Variants in POLE observed in about 807,000 individuals in gnomAD.
The protein encoded by POLE is DNA polymerase epsilon, catalytic subunit.
In POLE, 188 loss-of-function variants were observed where a neutral mutation model predicts 279.2. The observed-to-expected ratio is 0.67, with a 90% CI of 0.60 to 0.76. The LOEUF (loss-of-function observed/expected upper bound fraction) is 0.76. Among genes scored for constraint, POLE ranks in the 30% least tolerant of loss-of-function variants. The pLI is 0.00. For missense variants in POLE, 2,703 were observed against 3,016.7 expected, an observed-to-expected ratio of 0.90 and a Z score of 2.44; for synonymous variants, 1,214 against 1,172.5, an observed-to-expected ratio of 1.04 and a Z score of -0.72.
chr12:132,661,654 G>A lies in POLE; in HGVS notation c.2737C>T (p.Leu913=), dbSNP rs755441145. The A allele has an allele frequency of 6.2e-7, 1 of 1,614,172 alleles. No homozygotes were observed. Among genetic ancestry groups the A allele is most frequent in the South Asian group, 1.1e-5 (1 of 91,084 alleles). The change falls in exon 24 of 49, where the codon CTG becomes TTG. Residue 913 remains leucine (L), a synonymous_variant. Coordinates refer to ENST00000320574, the MANE Select transcript of POLE (RefSeq NM_006231.4). The surrounding 1 kb of genome is among the most constrained non-coding windows in gnomAD (Gnocchi z 4.1). The part of the protein sequence containing the change: ...EGFTNDQYQE[L]AEPSSLTYVT... ...TAGGTGAGTGAGGACGGCTCAGCCA[G>A]CTCCTGGTACTGGTCATTGGTGAAG... is the stretch of plus-strand genomic sequence containing the variant.
At chr12:132,648,783 CA>C (rs1453102672) in intron 32 of POLE, 145 bp downstream of exon 32, 1 of 849,494 alleles carries the variant, frequency 1.2e-6, no homozygotes, top group Non-Finnish European at 1.8e-6. Flanking sequence ...GCTCGGTGCT[CA>C]GCGCTCACAC....
rs2042106593 is a variant in POLE, at chr12:132,639,877, G to A, written c.5379-579C>T. Among the ~76,000 whole-genome samples the A allele has an allele frequency of 6.6e-6, 1 of 152,194 alleles. No individual in the cohort carries two copies. The highest frequency in any genetic ancestry group is 2.4e-5 in the African/African-American group (1 of 41,434). On this transcript the variant is annotated intron_variant, in intron 39 of 48. Coordinates refer to ENST00000320574, the MANE Select transcript of POLE (RefSeq NM_006231.4). This position sits in a 1 kb window ranked among gnomAD's most constrained non-coding sequence, Gnocchi z 4.7. ...CAGGAGAATCGCTTGAACCCGGGAG[G>A]TGGAGGTTGCAGTGACCCAAGATGG...
At position 132,624,690 on chromosome 12, in the gene POLE, G is replaced by A; in HGVS notation, c.*7C>T. ...CGGACGCAGAGGCACCCGGGGCCCG[G>A]GGCTGGCTAATGGCCCAGCTGTGGG... On this transcript the variant is annotated 3_prime_UTR_variant, in exon 49 of 49. Coordinates refer to ENST00000320574, the MANE Select transcript of POLE (RefSeq NM_006231.4). 6.3e-7 allele frequency: 1 copy of A among 1,576,322 alleles called. No individual in the cohort carries two copies.
chr12:132,649,585 A>T, intron 30 of POLE, 70 bp from the exon 31 acceptor site: 1 of 1,597,244 alleles, frequency 6.3e-7, no homozygotes, highest in Non-Finnish European at 8.6e-7. Flanking sequence ...ACTTTCTCAC[A>T]AGCAGCCTCC....
chr12:132,684,572 G>A (rs61952119), intron 1 of POLE, among the ~76,000 whole-genome samples: 37 of 182 alleles, frequency 0.2, no homozygotes, highest in East Asian at 0.17. Flanking sequence ...ACTGGTTACT[G>A]TATCACACCG....
At position 132,626,134 on chromosome 12, in the gene POLE, C is replaced by CTAA; in HGVS notation, c.6513_6514insTTA (p.Lys2171_Asp2172insLeu). 6.2e-7 allele frequency: 1 copy of CTAA among 1,603,828 alleles called. No individual in the cohort carries two copies. The highest frequency in any genetic ancestry group is 8.5e-7 in the Non-Finnish European group (1 of 1,175,360). On this transcript the variant is annotated inframe_insertion, in exon 46 of 49. Coordinates refer to ENST00000320574, the MANE Select transcript of POLE (RefSeq NM_006231.4). Reference sequence around the variant, plus strand: ...AGCCGCACCTCTGAGAAGGAAGAGTCTTTACACAGGTCCAGGTCGCGGCAG... The same window carrying CTAA: ...AGCCGCACCTCTGAGAAGGAAGAGTCTAATTTACACAGGTCCAGGTCGCGGCAG...
chr12:132,664,963 G>A lies in POLE; in HGVS notation c.2468+339C>T, dbSNP rs889425032. Reference sequence around the variant, plus strand: ...CCCCTCCCGGACACGCAGACATGCTGTGAAGCAACTGCCCGACACTCTGCA... The same window carrying A: ...CCCCTCCCGGACACGCAGACATGCTATGAAGCAACTGCCCGACACTCTGCA... On this transcript the variant is annotated intron_variant, in intron 21 of 48. Transcript: ENST00000320574. This position sits in a 1 kb window ranked among gnomAD's most constrained non-coding sequence, Gnocchi z 5.3. Among the ~76,000 whole-genome samples, 5 of 150,638 alleles carry A rather than the reference G, an allele frequency of 3.3e-5. No homozygotes were observed. The highest frequency in any genetic ancestry group is 5.9e-5 in the Non-Finnish European group (4 of 67,836).
intron 29 of POLE, chr12:132,650,290 G>A (rs1208011808): frequency 5.0e-6 from 1 of 201,616 alleles, no homozygotes; most frequent in African/African-American, 2.3e-5. Flanking sequence ...CACCTGAAAT[G>A]GGATGTTCGT....
chr12:132,643,823 G>A lies in POLE; in HGVS notation c.4290+14C>T, dbSNP rs779180047. Reference sequence around the variant, plus strand: ...AGCCTCCCCCAGTTCAGTCGAGGGTGGCTGGGGAGTCACCTGAGTCTCATA... The same window carrying A: ...AGCCTCCCCCAGTTCAGTCGAGGGTAGCTGGGGAGTCACCTGAGTCTCATA... On this transcript the variant is annotated intron_variant, in intron 33 of 48. Transcript: ENST00000320574. 1 of 1,611,634 alleles carries A rather than the reference G, an allele frequency of 6.2e-7. No individual in the cohort carries two copies. The highest frequency in any genetic ancestry group is 1.1e-5 in the South Asian group (1 of 90,964).
chr12:132,626,194 C>T lies in POLE; in HGVS notation c.6454G>A (p.Val2152Met), dbSNP rs138789360. Residue 2152 changes from valine (V) to methionine (M), a missense_variant, in exon 46 of 49, where the codon GTG (valine) becomes ATG (methionine). By Grantham distance (21) the Val-to-Met change is conservative. Coordinates refer to ENST00000320574, the MANE Select transcript of POLE (RefSeq NM_006231.4). ...AQFRDPCRSY[V>M]LPEVICRSCN... ...CTGCGGCAGATGACCTCAGGAAGCA[C>T]GTAGGAGCGGCAGGGGTCTCGGAAC... 2.5e-5 allele frequency: 40 copies of T among 1,613,618 alleles called. No homozygotes were observed. Among genetic ancestry groups the T allele is most frequent in the African/African-American group, 2.3e-4 (17 of 75,030 alleles).
intron 41 of POLE, among the ~76,000 whole-genome samples, chr12:132,636,441 G>GA (rs60289510): frequency 0.02 from 880 of 44,440 alleles, 24 homozygotes; most frequent in East Asian, 0.031. Context: ...TCCATTTAAG[G>GA]AAAAAAAAAA....
At chr12:132,657,991 C>A in intron 26 of POLE, 21 bp from the exon 27 acceptor site, 2 of 1,471,770 alleles carry the variant, frequency 1.4e-6, no homozygotes, top group Non-Finnish European at 1.9e-6. Flanking sequence ...AAGACAGGCA[C>A]ACAGCTCAGT....
chr12:132,624,007 G>A lies in POLE; in HGVS notation c.*690C>T, dbSNP rs868802335. On this transcript the variant is annotated 3_prime_UTR_variant, in exon 49 of 49. Transcript: ENST00000320574. ...TTTCTGCTTCCAGCTGGTCCTGTGT[G>A]GAGGTGAAGGACAAGGGCTGCAGTG... 4 of 196,410 alleles carry A rather than the reference G, an allele frequency of 2.0e-5. No homozygotes were observed. The highest frequency in any genetic ancestry group is 1.9e-4 in the South Asian group (1 of 5,186). The allele number at this position is 196,410 out of a possible 1,614,324, so 12.2% of individuals were successfully genotyped here.
At position 132,680,175 on chromosome 12, in the gene POLE, C is replaced by A. The variant is rs369152225; in HGVS notation, c.330+3G>T. ...CTGACCTGAGTCTATGAAACACACT[C>A]ACCTTTCTGGTCGCAATGTAGAAAT... On this transcript the variant is annotated splice_donor_region_variant and intron_variant, in intron 4 of 48. Coordinates refer to ENST00000320574, the MANE Select transcript of POLE (RefSeq NM_006231.4). 2 of 1,614,062 alleles carry A rather than the reference C, an allele frequency of 1.2e-6. No individual in the cohort carries two copies. Among genetic ancestry groups the A allele is most frequent in the Admixed American group, 3.3e-5 (2 of 60,032 alleles).
Position 132,639,344 on chromosome 12 carries a change from G to A in POLE, c.5379-46C>T, listed in dbSNP as rs376627802. 5 of 1,586,506 alleles carry A rather than the reference G, an allele frequency of 3.2e-6. No homozygotes were observed. The highest frequency in any genetic ancestry group is 2.2e-5 in the East Asian group (1 of 44,560). On this transcript the variant is annotated intron_variant, in intron 39 of 48. Coordinates refer to ENST00000320574, the MANE Select transcript of POLE (RefSeq NM_006231.4). The surrounding 1 kb of genome is among the most constrained non-coding windows in gnomAD (Gnocchi z 4.7). The stretch of plus-strand genomic sequence containing the variant: ...CACCCTCGTACCCTCAGCCTCCCAC[G>A]CTGCTGCCACGCGGGACGCTCCAAC...
Position 132,675,829 on chromosome 12 carries a change from A to G in POLE, c.1021-9T>C, listed in dbSNP as rs2136012284. 6.2e-7 allele frequency: 1 copy of G among 1,608,494 alleles called. No individual in the cohort carries two copies. The highest frequency in any genetic ancestry group is 8.5e-7 in the Non-Finnish European group (1 of 1,174,854). ...CTTTGGATCAGATGAGCCTGAACCCAAGTCACAGCAGTCAGAGGTCTGCTC... is the reference window on the plus strand; with the variant it reads ...CTTTGGATCAGATGAGCCTGAACCCGAGTCACAGCAGTCAGAGGTCTGCTC... On this transcript the variant is annotated splice_polypyrimidine_tract_variant and intron_variant, in intron 10 of 48. Transcript: ENST00000320574. This position sits in a 1 kb window ranked among gnomAD's most constrained non-coding sequence, Gnocchi z 4.3.
Position 132,642,640 on chromosome 12 carries a change from G to T in POLE, c.4818C>A (p.Phe1606Leu), listed in dbSNP as rs2138535739. 1.2e-6 allele frequency: 2 copies of T among 1,613,222 alleles called. No individual in the cohort carries two copies. The highest frequency in any genetic ancestry group is 1.7e-6 in the Non-Finnish European group (2 of 1,180,002). ...CAGCCACACAGATAGGCACCAGTGG[G>T]AATTCCTCCAAGACAGGAATTTCAC... ...LASEIPVLEE[F>L]PLVPICVADK... The change falls in exon 37 of 49, where the codon TTC becomes TTA. Residue 1606 changes from phenylalanine to leucine, a missense_variant. Physicochemically the swap from Phe to Leu is conservative, Grantham distance 22. Transcript: ENST00000320574.
rs781675205 is a variant in POLE, at chr12:132,632,294, C to T, written c.6330+21G>A. 1.2e-5 allele frequency: 19 copies of T among 1,597,624 alleles called. No individual in the cohort carries two copies. The South Asian group carries it at 2.0e-4, about 17-fold the overall frequency. ...CATGTACGTTAGTGTCCTCTCCTCA[C>T]ACGCACGCTGGCACTCTCACCTTGC... is the stretch of plus-strand genomic sequence containing the variant. On this transcript the variant is annotated intron_variant, in intron 45 of 48. Transcript: ENST00000320574.
At chr12:132,658,107 A>G in intron 26 of POLE, 137 bp from the exon 27 acceptor site, 1 of 630,864 alleles carries the variant, frequency 1.6e-6, no homozygotes, top group South Asian at 1.8e-5. Flanking sequence ...ATCTGCGTGC[A>G]TATGTATGCA....
Sources: gnomAD v4.1 joint callset for allele counts (sites outside exome capture counted in the v4.1 genomes callset) on GRCh38, gnomAD v4.1.1 for gene constraint, Gnocchi (gnomAD v3.1) non-coding constraint, MANE v1.5 for transcripts, NCBI Gene and HGNC (gene_info 2026-07-23, HGNC 2026-07-21) for gene names.